TMEM132D: variants seen among roughly 807,000 people sequenced by gnomAD.
TMEM132D encodes transmembrane protein 132D.
TMEM132D carries 21 observed loss-of-function variants against 62.3 expected under a neutral mutation model. That is an observed-to-expected ratio of 0.34 (90% CI 0.24 to 0.49). The LOEUF (loss-of-function observed/expected upper bound fraction) is 0.49, where lower values mean the gene tolerates loss of function less well. TMEM132D is among the 20% of genes least tolerant of loss of function. TMEM132D has a pLI of 0.99. For missense variants in TMEM132D, 1,346 were observed against 1,402.8 expected, an observed-to-expected ratio of 0.96 and a Z score of 0.65; for synonymous variants, 621 against 575.6, an observed-to-expected ratio of 1.08 and a Z score of -1.13.
chr12:129,880,816 C>A (rs902961625), intron 1 of TMEM132D, among the ~76,000 whole-genome samples: 1 of 150,688 alleles, frequency 6.6e-6, no homozygotes, highest in African/African-American at 2.5e-5. Context: ...CAGAAGGCCA[C>A]AAAGAACAGA....
intron 1 of TMEM132D, among the ~76,000 whole-genome samples, chr12:129,780,343 G>C (rs879363515): frequency 6.7e-6 from 1 of 148,206 alleles, no homozygotes; most frequent in African/African-American, 2.4e-5. Context: ...GTGGGGAGGG[G>C]GGGGGCCGGG....
At chr12:129,385,503 A>G (rs1007790613) in intron 3 of TMEM132D, among the ~76,000 whole-genome samples, 1 of 152,178 alleles carries the variant, frequency 6.6e-6, no homozygotes, top group African/African-American at 2.4e-5. Context: ...CTGAAAATAA[A>G]CAGACTGTTC....
chr12:129,340,633 G>T (rs1270829493), intron 3 of TMEM132D, among the ~76,000 whole-genome samples: 1 of 152,158 alleles, frequency 6.6e-6, no homozygotes, highest in Non-Finnish European at 1.5e-5. Flanking sequence ...CAAAGGACAT[G>T]AACTCATCAT....
chr12:129,802,086 A>T (rs1348200934), intron 1 of TMEM132D, among the ~76,000 whole-genome samples: 4 of 150,088 alleles, frequency 2.7e-5, no homozygotes, highest in African/African-American at 9.8e-5. Context: ...AGTGATGGGG[A>T]GAATGGAACC....
At chr12:129,547,554 C>T (rs1189164105) in intron 2 of TMEM132D, among the ~76,000 whole-genome samples, 2 of 152,210 alleles carry the variant, frequency 1.3e-5, no homozygotes, top group East Asian at 1.9e-4. Context: ...ACCCTCAACA[C>T]CGGTCATTTC....
intron 2 of TMEM132D, among the ~76,000 whole-genome samples, chr12:129,671,633 C>T (rs1269050339): frequency 6.6e-6 from 1 of 151,894 alleles, no homozygotes; most frequent in Non-Finnish European, 1.5e-5. Context: ...TGGGGCAGGG[C>T]TGGGGAAGGG....
At chr12:129,519,637 C>G (rs958983372) in intron 3 of TMEM132D, among the ~76,000 whole-genome samples, 4 of 149,040 alleles carry the variant, frequency 2.7e-5, no homozygotes, top group Admixed American at 6.7e-5. Context: ...GAGATGGAGT[C>G]TTACTCTGTG....
At chr12:129,536,457 C>G (rs535339650) in intron 2 of TMEM132D, among the ~76,000 whole-genome samples, 15 of 152,128 alleles carry the variant, frequency 9.9e-5, no homozygotes, top group Non-Finnish European at 2.1e-4. Flanking sequence ...TGTGCAATCA[C>G]TCTTGGCTTC....
chr12:129,092,634 G>T (rs933414962), intron 5 of TMEM132D, among the ~76,000 whole-genome samples: 7 of 152,162 alleles, frequency 4.6e-5, no homozygotes, highest in Non-Finnish European at 1.0e-4. Flanking sequence ...GGCGGAGGTT[G>T]CAGTGAGCTG....
chr12:129,280,260 T>C (rs1881105988), intron 4 of TMEM132D, among the ~76,000 whole-genome samples: 2 of 152,190 alleles, frequency 1.3e-5, no homozygotes, highest in Non-Finnish European at 2.9e-5. Flanking sequence ...TCCCTCTAAT[T>C]TGTAACTAGA....
chr12:129,557,436 C>T (rs753772485), intron 2 of TMEM132D, among the ~76,000 whole-genome samples: 19 of 152,078 alleles, frequency 1.2e-4, no homozygotes, highest in Non-Finnish European at 2.5e-4. Flanking sequence ...AAGTTATGGC[C>T]GGGTGCCATG....
intron 5 of TMEM132D, among the ~76,000 whole-genome samples, chr12:129,198,772 G>A (rs1343940330): frequency 6.6e-6 from 1 of 152,164 alleles, no homozygotes; most frequent in African/African-American, 2.4e-5. Context: ...AACGTGTCAA[G>A]AGAGTAAATT....
intron 1 of TMEM132D, among the ~76,000 whole-genome samples, chr12:129,701,065 A>T (rs1411548375): frequency 6.6e-6 from 1 of 152,328 alleles, no homozygotes; most frequent in East Asian, 1.9e-4. Flanking sequence ...GAAAGCTGTC[A>T]CAGACAAGCT....
At position 129,084,643 on chromosome 12, in the gene TMEM132D, G is replaced by A. The variant is rs750815479; in HGVS notation, c.1503C>T (p.Asn501=). Residue 501 remains asparagine, a synonymous_variant, in exon 6 of 9, where the codon AAC becomes AAT. Coordinates refer to ENST00000422113, the MANE Select transcript of TMEM132D (RefSeq NM_133448.3). ...VNGKEMKGKV[N]VVVNFTYQHL... is the part of the protein sequence containing the mutation. ...GCTGGTAGGTGAAGTTCACCACCAC[G>A]TTGACCTTGCCTTTCATTTCTTTCC... The A allele has an allele frequency of 6.2e-6, 10 of 1,614,142 alleles. 1 individual carries two copies. Among genetic ancestry groups the A allele is most frequent in the South Asian group, 4.4e-5 (4 of 91,078 alleles).
chr12:129,281,732 G>A (rs886072112), intron 4 of TMEM132D, among the ~76,000 whole-genome samples: 1 of 152,184 alleles, frequency 6.6e-6, no homozygotes, highest in Non-Finnish European at 1.5e-5. Context: ...AAAGCTGGAT[G>A]ATAACAGCTC....
intron 5 of TMEM132D, among the ~76,000 whole-genome samples, chr12:129,171,917 A>C (rs1877747166): frequency 6.6e-6 from 1 of 152,228 alleles, no homozygotes; most frequent in African/African-American, 2.4e-5. Flanking sequence ...CACTGGCTTC[A>C]ATAAAGTTAC....
At chr12:129,278,696 T>C (rs1881062402) in intron 4 of TMEM132D, among the ~76,000 whole-genome samples, 1 of 152,154 alleles carries the variant, frequency 6.6e-6, no homozygotes, top group Non-Finnish European at 1.5e-5. Context: ...AATTTTGCCT[T>C]TTAAAAGGGA....
At chr12:129,408,373 A>G (rs1179709255) in intron 3 of TMEM132D, among the ~76,000 whole-genome samples, 1 of 151,602 alleles carries the variant, frequency 6.6e-6, no homozygotes, top group Non-Finnish European at 1.5e-5. Context: ...AACTGCTAGC[A>G]TTTGAATGAG....
chr12:129,502,519 T>A (rs1875182479), intron 3 of TMEM132D, among the ~76,000 whole-genome samples: 1 of 152,058 alleles, frequency 6.6e-6, no homozygotes, highest in South Asian at 2.1e-4. Flanking sequence ...GGAAAAATAT[T>A]GACTTCGGGC....
Sources: gnomAD v4.1 joint callset for allele counts (sites outside exome capture counted in the v4.1 genomes callset) on GRCh38, gnomAD v4.1.1 for gene constraint, MANE v1.5 for transcripts, NCBI Gene and HGNC (gene_info 2026-07-23, HGNC 2026-07-21) for gene names.